The following MARCHF10 variants were observed in gnomAD, a reference collection of about 807,000 sequenced individuals.
MARCHF10 encodes the protein probable E3 ubiquitin-protein ligase MARCHF10.
In MARCHF10, 64 loss-of-function variants were observed where a neutral mutation model predicts 76.2. The observed-to-expected ratio is 0.84, with a 90% confidence interval of 0.69 to 1.03. The LOEUF is 1.03. Ranked by LOEUF, MARCHF10 falls within the 50% of genes least tolerant of loss-of-function variation. MARCHF10 has a pLI of 0.00. For missense variants in MARCHF10, 875 were observed against 958.0 expected, an observed-to-expected ratio of 0.91 and a Z score of 1.14; for synonymous variants, 340 against 357.5, an observed-to-expected ratio of 0.95 and a Z score of 0.55.
In MARCHF10 at chr17:62,712,313, C is replaced by G. The variant is rs2089975428; in HGVS notation, c.2215-969G>C. ...CTTGGGAAAGCTTGCAACTGTGACT[C>G]TGTCGGCCCAGGATAACGATGCGTG... On this transcript the variant is annotated intron_variant, in intron 8 of 10. Transcript: ENST00000311269. The surrounding 1 kb of genome is among the most constrained non-coding windows in gnomAD (Gnocchi z 4.2). 6.6e-6 allele frequency among the ~76,000 whole-genome samples: 1 copy of G among 152,238 alleles called. No homozygotes were observed. The highest frequency in any genetic ancestry group is 2.4e-5 in the African/African-American group (1 of 41,476).
intron 3 of MARCHF10, among the ~76,000 whole-genome samples, chr17:62,779,240 A>G (rs917126060): frequency 6.6e-6 from 1 of 152,208 alleles, no homozygotes; most frequent in Admixed American, 6.5e-5. Context: ...CAGCGTGTGC[A>G]TGCGCGACCT....
intron 7 of MARCHF10, among the ~76,000 whole-genome samples, chr17:62,723,035 C>T (rs572538752): frequency 2.6e-5 from 4 of 151,058 alleles, no homozygotes; most frequent in Non-Finnish European, 5.9e-5. Flanking sequence ...AAGCTATTCT[C>T]GATCAATGGC....
intron 8 of MARCHF10, among the ~76,000 whole-genome samples, chr17:62,718,816 G>A (rs2090346382): frequency 6.6e-6 from 1 of 152,110 alleles, no homozygotes; most frequent in Admixed American, 6.6e-5. Flanking sequence ...TATTTCTCAA[G>A]AAGTCCTTCT....
At chr17:62,743,402 C>G (rs1207475963) in intron 5 of MARCHF10, among the ~76,000 whole-genome samples, 1 of 152,220 alleles carries the variant, frequency 6.6e-6, no homozygotes, top group Non-Finnish European at 1.5e-5. Flanking sequence ...AATCCCAGCA[C>G]TTTGGGAGGC....
intron 8 of MARCHF10, chr17:62,714,272 G>T: frequency 2.0e-6 from 1 of 493,212 alleles, no homozygotes; most frequent in Non-Finnish European, 2.6e-6. Context: ...GGTGGGCAGT[G>T]CAGGGCCACC....
chr17:62,754,705 G>C (rs571700659), intron 4 of MARCHF10, among the ~76,000 whole-genome samples: 31 of 152,150 alleles, frequency 2.0e-4, no homozygotes, highest in South Asian at 1.7e-3. Flanking sequence ...GAGCCCCCCT[G>C]TCTTGAGAGC....
chr17:62,729,742 A>G (rs2090932010), intron 6 of MARCHF10, among the ~76,000 whole-genome samples: 2 of 151,666 alleles, frequency 1.3e-5, no homozygotes, highest in South Asian at 4.2e-4. Context: ...CCCAGAGAAC[A>G]TATATATTTT....
chr17:62,725,835 A>T (rs2090731660), intron 6 of MARCHF10, among the ~76,000 whole-genome samples: 1 of 152,184 alleles, frequency 6.6e-6, no homozygotes, highest in African/African-American at 2.4e-5. Context: ...TAAGTTCCTT[A>T]ATCTTCCCAA....
Position 62,808,075 on chromosome 17 carries a change from AC to A in MARCHF10, c.-18+1del, listed in dbSNP as rs1051910726. 2.9e-5 allele frequency: 3 copies of A among 104,652 alleles called. No individual in the cohort carries two copies. Among genetic ancestry groups the A allele is most frequent in the African/African-American group, 1.1e-4 (3 of 26,824 alleles). 6.5% of individuals were successfully genotyped at this position (104,652 alleles called of 1,614,324 possible). Reference sequence around the variant, plus strand: ...GAGCGGCGGGGGCGAGGGGGCCGTTACCTGTGGGTCTGCCCTTCCTCCCCTG... The same window carrying A: ...GAGCGGCGGGGGCGAGGGGGCCGTTACTGTGGGTCTGCCCTTCCTCCCCTG... On this transcript the variant is annotated splice_donor_variant, in intron 1 of 10. Transcript: ENST00000311269. LOFTEE classifies it low-confidence loss of function (5UTR_SPLICE).
At chr17:62,796,342 C>T (rs2092985178) in intron 2 of MARCHF10, among the ~76,000 whole-genome samples, 1 of 152,176 alleles carries the variant, frequency 6.6e-6, no homozygotes, top group Non-Finnish European at 1.5e-5. Flanking sequence ...TTTCTGGAAC[C>T]AGGCAAGGGA....
At chr17:62,704,946 G>GT (rs36050741) in intron 10 of MARCHF10, 126,622 of 818,878 alleles carry the variant, frequency 0.15, 1,540 homozygotes, top group African/African-American at 0.22. Context: ...TTCTCCAGTC[G>GT]TTTTTTTTTT....
Position 62,801,636 on chromosome 17 carries a change from C to T in MARCHF10, c.90+10G>A, listed in dbSNP as rs758444623. On this transcript the variant is annotated intron_variant, in intron 2 of 10. Transcript: ENST00000311269. ...GAAGGCAGAAGACCATTCTTGCTTTCTGCAATTACCTGATACTCAGAGTCC... is the reference window on the plus strand; with the variant it reads ...GAAGGCAGAAGACCATTCTTGCTTTTTGCAATTACCTGATACTCAGAGTCC... 1 of 1,611,166 alleles carries T rather than the reference C, an allele frequency of 6.2e-7. No individual in the cohort carries two copies. The highest frequency in any genetic ancestry group is 2.2e-5 in the East Asian group (1 of 44,866).
At chr17:62,720,446 A>G (rs1410383381) in intron 8 of MARCHF10, among the ~76,000 whole-genome samples, 1 of 152,210 alleles carries the variant, frequency 6.6e-6, no homozygotes, top group Non-Finnish European at 1.5e-5. Flanking sequence ...TAGGTGGGAC[A>G]AGATGGCTAG....
chr17:62,719,403 G>GT (rs2090373843), intron 8 of MARCHF10, among the ~76,000 whole-genome samples: 1 of 151,952 alleles, frequency 6.6e-6, no homozygotes, highest in Admixed American at 6.5e-5. Context: ...ATTTTGCAGG[G>GT]TACAGAAATC....
Position 62,711,284 on chromosome 17 carries a change from G to A in MARCHF10, c.2275C>T (p.Gln759Ter), listed in dbSNP as rs749425471. ...AGCCTCATGAGTTCTGCAAACCTCT[G>A]CTCATAGAGGTGAAGCAGCAGCACC... ...YLVLLLHLYE[Q>*]RFAELMRLNH... The change falls in exon 9 of 11, where the codon CAG becomes TAG. Residue 759 changes from glutamine to a stop codon, truncating the protein, a stop_gained. Coordinates refer to ENST00000311269, the MANE Select transcript of MARCHF10 (RefSeq NM_152598.4). LOFTEE classifies it high-confidence loss of function. The surrounding 1 kb of genome is among the most constrained non-coding windows in gnomAD (Gnocchi z 4.4). The A allele has an allele frequency of 1.9e-6, 3 of 1,614,048 alleles. No individual in the cohort carries two copies. The highest frequency in any genetic ancestry group is 2.2e-5 in the South Asian group (2 of 91,064).
chr17:62,748,751 G>A (rs2091796378), intron 4 of MARCHF10, among the ~76,000 whole-genome samples: 2 of 152,120 alleles, frequency 1.3e-5, no homozygotes, highest in South Asian at 4.1e-4. Flanking sequence ...TAGAAAAAGA[G>A]TTTCGAACCC....
At chr17:62,782,519 C>T (rs1350767224) in intron 3 of MARCHF10, among the ~76,000 whole-genome samples, 2 of 151,662 alleles carry the variant, frequency 1.3e-5, no homozygotes, top group Admixed American at 6.6e-5. Flanking sequence ...AGTTAATTTT[C>T]GTATTTTTAG....
chr17:62,783,559 A>G (rs1203256997), intron 3 of MARCHF10, among the ~76,000 whole-genome samples: 1 of 152,170 alleles, frequency 6.6e-6, no homozygotes, highest in Admixed American at 6.5e-5. Context: ...CATACAAAAA[A>G]CCCTTCAAAA....
rs60003248 is a variant in MARCHF10, at chr17:62,777,728, G to GA, written c.210+10751dup. ...GACTCCATCTCAAAAAAAAAAAAAA[G>GA]AAAAAAAAAAAGAAAAGTAGGTATA... On this transcript the variant is annotated intron_variant, in intron 3 of 10. Transcript: ENST00000311269. Among the ~76,000 whole-genome samples, 1,128 of 127,392 alleles carry GA rather than the reference G, an allele frequency of 8.9e-3. 23 individuals are homozygous for GA. Among genetic ancestry groups the GA allele is most frequent in the Non-Finnish European group, 0.013 (818 of 62,150 alleles). The allele number at this position is 127,392 out of a possible 152,430, so 83.6% of individuals were successfully genotyped here.
Sources: allele counts gnomAD v4.1 joint callset (sites outside exome capture counted in the v4.1 genomes callset), GRCh38; gene constraint gnomAD v4.1.1; non-coding constraint Gnocchi (gnomAD v3.1); transcripts MANE v1.5; gene names NCBI Gene and HGNC (gene_info 2026-07-23, HGNC 2026-07-21).